HDAC9: variants seen among roughly 807,000 people sequenced by gnomAD.
HDAC9 encodes histone deacetylase 9, also known as MEF-2 interacting transcription repressor (MITR) protein.
Under a neutral mutation model 139.4 loss-of-function variants are expected in HDAC9, and 41 were observed. The ratio of observed to expected loss-of-function variants is 0.29; its 90% CI spans 0.23 to 0.38. HDAC9 has a LOEUF of 0.38. HDAC9 is among the 10% of genes least tolerant of loss of function. The pLI is 1.00. For synonymous variants in HDAC9, 517 were observed against 476.2 expected, an observed-to-expected ratio of 1.09 and a Z score of -1.12; for missense variants, 1,147 against 1,297.0, an observed-to-expected ratio of 0.88 and a Z score of 1.78.
chr7:18,364,731 G>T (rs1045644585), intron 1 of HDAC9, among the ~76,000 whole-genome samples: 1 of 152,122 alleles, frequency 6.6e-6, no homozygotes, highest in African/African-American at 2.4e-5. Flanking sequence ...GTTGACAGAT[G>T]AGATTAAGAC....
intron 24 of HDAC9, among the ~76,000 whole-genome samples, chr7:18,967,671 C>A (rs1317102781): frequency 6.6e-6 from 1 of 152,066 alleles, no homozygotes; most frequent in Admixed American, 6.5e-5. Flanking sequence ...GTATGGAGCA[C>A]ACAATTTTTA....
intron 1 of HDAC9, among the ~76,000 whole-genome samples, chr7:18,452,643 G>A (rs900985960): frequency 6.6e-6 from 1 of 152,208 alleles, no homozygotes; most frequent in African/African-American, 2.4e-5. Context: ...GATGGACTCA[G>A]TGGGAGGTAA....
At chr7:18,244,995 A>C (rs9942652) in intron 2 of HDAC9, among the ~76,000 whole-genome samples, 41 of 3,606 alleles carry the variant, frequency 0.011, no homozygotes, top group African/African-American at 0.061. Context: ...TCTAATCTGC[A>C]TCTATCTATC....
intron 21 of HDAC9, among the ~76,000 whole-genome samples, chr7:18,839,013 T>A (rs893422573): frequency 6.6e-6 from 1 of 152,012 alleles, no homozygotes; most frequent in African/African-American, 2.4e-5. Flanking sequence ...TATAATAGAA[T>A]AACTAAATTA....
At chr7:18,393,533 A>G (rs2128725866) in intron 1 of HDAC9, among the ~76,000 whole-genome samples, 1 of 152,222 alleles carries the variant, frequency 6.6e-6, no homozygotes, top group Middle Eastern at 3.4e-3. Flanking sequence ...AAAAGGATGG[A>G]TGAGGTGAGG....
At chr7:18,978,362 A>G (rs1720073456) in intron 25 of HDAC9, among the ~76,000 whole-genome samples, 1 of 152,144 alleles carries the variant, frequency 6.6e-6, no homozygotes, top group African/African-American at 2.4e-5. Flanking sequence ...GCTAAGAACC[A>G]TTGTAAGTAT....
chr7:18,960,971 G>A (rs968468805), intron 24 of HDAC9, among the ~76,000 whole-genome samples: 6 of 152,186 alleles, frequency 3.9e-5, no homozygotes, highest in East Asian at 1.9e-4. Flanking sequence ...AGATTGCAAC[G>A]TGTGCTGCAT....
chr7:18,768,373 C>T (rs1790006303), intron 16 of HDAC9, among the ~76,000 whole-genome samples: 1 of 152,132 alleles, frequency 6.6e-6, no homozygotes, highest in Non-Finnish European at 1.5e-5. Flanking sequence ...CCCCCCACTC[C>T]CTCTGGGTAA....
At chr7:18,187,336 A>T (rs1789992741) in intron 2 of HDAC9, among the ~76,000 whole-genome samples, 1 of 152,230 alleles carries the variant, frequency 6.6e-6, no homozygotes, top group South Asian at 2.1e-4. Flanking sequence ...TGTCTGGCAC[A>T]TCCTAGCAAG....
chr7:18,132,711 T>A (rs1337817993), intron 1 of HDAC9, among the ~76,000 whole-genome samples: 1 of 152,192 alleles, frequency 6.6e-6, no homozygotes, highest in Non-Finnish European at 1.5e-5. Context: ...CTGTATTCAT[T>A]AAAAGACCTT....
At chr7:18,386,955 G>A (rs138912507) in intron 1 of HDAC9, among the ~76,000 whole-genome samples, 7 of 151,972 alleles carry the variant, frequency 4.6e-5, no homozygotes, top group African/African-American at 1.5e-4. Flanking sequence ...TTCACCTCCC[G>A]CAATGTGGCA....
intron 2 of HDAC9, chr7:18,260,566 G>C (rs1051631250): frequency 1.3e-5 from 2 of 154,230 alleles, no homozygotes; most frequent in Non-Finnish European, 2.9e-5. Context: ...TGATCTGCCC[G>C]CCTCAGCCTC....
intron 1 of HDAC9, among the ~76,000 whole-genome samples, chr7:18,113,028 T>C (rs989241834): frequency 6.6e-6 from 1 of 151,938 alleles, no homozygotes; most frequent in African/African-American, 2.4e-5. Context: ...GATAAAGAAA[T>C]AGGAAGAAAT....
At chr7:18,250,737 C>T (rs527609223) in intron 2 of HDAC9, among the ~76,000 whole-genome samples, 6 of 152,282 alleles carry the variant, frequency 3.9e-5, no homozygotes, top group Admixed American at 2.6e-4. Flanking sequence ...AAACTCCCAC[C>T]GACAGTGTAA....
intron 1 of HDAC9, among the ~76,000 whole-genome samples, chr7:18,407,088 C>T (rs1296131327): frequency 1.3e-5 from 2 of 152,162 alleles, no homozygotes; most frequent in African/African-American, 2.4e-5. Context: ...CCTGATCTCA[C>T]TATATGTATT....
At chr7:18,106,808 A>G (rs1783241172) in intron 1 of HDAC9, among the ~76,000 whole-genome samples, 1 of 151,754 alleles carries the variant, frequency 6.6e-6, no homozygotes, top group African/African-American at 2.4e-5. Flanking sequence ...CCTCACATTC[A>G]TCTCTTAAAT....
chr7:18,701,835 A>C (rs928765373), intron 12 of HDAC9, among the ~76,000 whole-genome samples: 2 of 152,152 alleles, frequency 1.3e-5, no homozygotes, highest in Non-Finnish European at 2.9e-5. Flanking sequence ...AGTGTAGACT[A>C]AGGATCTTCC....
intron 22 of HDAC9, among the ~76,000 whole-genome samples, chr7:18,895,266 T>A (rs59418270): frequency 0.02 from 2,988 of 152,138 alleles, 120 homozygotes; most frequent in African/African-American, 0.069. Flanking sequence ...CAGGATTGAG[T>A]TAGAGTAAAA....
chr7:18,803,634 A>AAAT (rs1793479813), intron 17 of HDAC9, among the ~76,000 whole-genome samples: 1 of 152,182 alleles, frequency 6.6e-6, no homozygotes, highest in Middle Eastern at 3.2e-3. Context: ...TGATGAGGAA[A>AAAT]AATCAGCTGA....
Sources: allele counts gnomAD v4.1 joint callset (sites outside exome capture counted in the v4.1 genomes callset), GRCh38; gene constraint gnomAD v4.1.1; transcripts MANE v1.5; gene names NCBI Gene and HGNC (gene_info 2026-07-23, HGNC 2026-07-21).